LCORL: variants seen among roughly 807,000 people sequenced by gnomAD.
LCORL encodes the protein ligand dependent nuclear receptor corepressor like.
Under a neutral mutation model 141.8 loss-of-function variants are expected in LCORL, and 41 were observed. The ratio of observed to expected loss-of-function variants is 0.29; its 90% CI spans 0.23 to 0.38. The LOEUF (loss-of-function observed/expected upper bound fraction) is 0.38, where lower values mean the gene tolerates loss of function less well. LCORL is among the 10% of genes least tolerant of loss of function. The pLI is 1.00. For synonymous variants in LCORL, 618 were observed against 694.1 expected, an observed-to-expected ratio of 0.89 and a Z score of 1.72; for missense variants, 1,759 against 2,035.0, an observed-to-expected ratio of 0.86 and a Z score of 2.61.
intron 4 of LCORL, among the ~76,000 whole-genome samples, chr4:17,946,750 C>G (rs1560385906): frequency 6.6e-6 from 1 of 151,912 alleles, no homozygotes; most frequent in Non-Finnish European, 1.5e-5. Context: ...GGCCTACAAT[C>G]TCATACATCA....
At chr4:17,986,739 T>A (rs1719043845) in intron 1 of LCORL, among the ~76,000 whole-genome samples, 1 of 152,186 alleles carries the variant, frequency 6.6e-6, no homozygotes, top group African/African-American at 2.4e-5. Flanking sequence ...ATCTTTTTTT[T>A]TTCCTATCTA....
At chr4:18,015,959 C>T (rs1724567315) in intron 1 of LCORL, among the ~76,000 whole-genome samples, 1 of 151,816 alleles carries the variant, frequency 6.6e-6, no homozygotes, top group East Asian at 1.9e-4. Flanking sequence ...TGGTTTCATA[C>T]ATAAAAAGCC....
intron 4 of LCORL, among the ~76,000 whole-genome samples, chr4:17,941,768 C>T (rs985757981): frequency 6.6e-6 from 1 of 152,032 alleles, no homozygotes; most frequent in African/African-American, 2.4e-5. Context: ...CCCCAATGTT[C>T]ATATTTCTCT....
chr4:17,948,835 A>C (rs1739286430), intron 4 of LCORL, among the ~76,000 whole-genome samples: 1 of 152,082 alleles, frequency 6.6e-6, no homozygotes, highest in South Asian at 2.1e-4. Flanking sequence ...GACAATTTTC[A>C]GAGGAGTAAA....
chr4:18,013,061 G>A (rs1174991032), intron 1 of LCORL, among the ~76,000 whole-genome samples: 1 of 152,020 alleles, frequency 6.6e-6, no homozygotes, highest in South Asian at 2.1e-4. Context: ...AATTTATCTA[G>A]TCAAGGTCAC....
At position 17,882,937 on chromosome 4, in the gene LCORL, A is replaced by G; in HGVS notation, c.776+3131T>C. 4.4e-6 allele frequency: 4 copies of G among 919,212 alleles called. No individual in the cohort carries two copies. The South Asian group carries it at 1.5e-4, about 35-fold the overall frequency. 56.9% of individuals were successfully genotyped at this position (919,212 alleles called of 1,614,324 possible). The stretch of plus-strand genomic sequence containing the variant: ...TTCAAATGAAAAACAAAACTAAATT[A>G]TTTTAATAATTAAATTTAAATTATT... On this transcript the variant is annotated intron_variant, in intron 6 of 7. Coordinates refer to ENST00000635767, the Ensembl canonical transcript of LCORL.
intron 4 of LCORL, among the ~76,000 whole-genome samples, chr4:17,950,415 A>C (rs1401744066): frequency 2.0e-5 from 3 of 152,198 alleles, no homozygotes; most frequent in Non-Finnish European, 4.4e-5. Context: ...CGCAGCCTAT[A>C]GACAAAGGAC....
intron 4 of LCORL, among the ~76,000 whole-genome samples, chr4:17,943,476 C>T (rs1030209208): frequency 2.6e-5 from 4 of 152,198 alleles, no homozygotes; most frequent in African/African-American, 9.7e-5. Context: ...GTTACTAACA[C>T]TCGCTGAAAG....
exon 7 of LCORL, chr4:17,877,359 G>A: frequency 1.6e-6 from 2 of 1,230,294 alleles, no homozygotes; most frequent in Non-Finnish European, 2.0e-6. Flanking sequence ...CATATCCGTG[G>A]TTTCTATTGA....
At chr4:17,922,455 A>T (rs1442994462) in intron 4 of LCORL, among the ~76,000 whole-genome samples, 1 of 152,174 alleles carries the variant, frequency 6.6e-6, no homozygotes, top group Non-Finnish European at 1.5e-5. Context: ...TATGTAAAGA[A>T]CCAAGGAATA....
At chr4:17,974,248 CATT>C (rs1429124012) in intron 1 of LCORL, among the ~76,000 whole-genome samples, 1 of 152,074 alleles carries the variant, frequency 6.6e-6, no homozygotes, top group African/African-American at 2.4e-5. Context: ...TAGTTGGTCT[CATT>C]ATAGTCTTCA....
chr4:17,953,774 G>A (rs1263367110), intron 4 of LCORL, among the ~76,000 whole-genome samples: 3 of 152,152 alleles, frequency 2.0e-5, no homozygotes, highest in East Asian at 1.9e-4. Flanking sequence ...TAGGTGCTAG[G>A]GATATAACAA....
intron 4 of LCORL, among the ~76,000 whole-genome samples, chr4:17,929,461 G>A (rs903336275): frequency 2.6e-5 from 4 of 151,964 alleles, no homozygotes; most frequent in Non-Finnish European, 4.4e-5. Flanking sequence ...AAACATAAAC[G>A]CACTCATATA....
intron 4 of LCORL, among the ~76,000 whole-genome samples, chr4:17,942,791 G>A (rs1302734841): frequency 6.6e-6 from 1 of 152,064 alleles, no homozygotes; most frequent in African/African-American, 2.4e-5. Flanking sequence ...CGACCCCTAG[G>A]CCACAGACTG....
At chr4:17,982,800 T>C (rs1042226336) in intron 1 of LCORL, among the ~76,000 whole-genome samples, 1 of 152,218 alleles carries the variant, frequency 6.6e-6, no homozygotes, top group Non-Finnish European at 1.5e-5. Context: ...TTGTTTTCAT[T>C]GCAATTACTT....
At chr4:17,984,057 T>C (rs1185608928) in intron 1 of LCORL, among the ~76,000 whole-genome samples, 2 of 152,240 alleles carry the variant, frequency 1.3e-5, no homozygotes, top group African/African-American at 4.8e-5. Context: ...TCTGTTTATA[T>C]GATGAATCAC....
At chr4:17,923,354 A>C (rs1227171736) in intron 4 of LCORL, among the ~76,000 whole-genome samples, 1 of 152,184 alleles carries the variant, frequency 6.6e-6, no homozygotes, top group Non-Finnish European at 1.5e-5. Context: ...TGGATTAAAT[A>C]TGGGCTCAAG....
chr4:18,019,907 AAAC>A (rs1193885280), intron 1 of LCORL, among the ~76,000 whole-genome samples: 3 of 152,380 alleles, frequency 2.0e-5, no homozygotes, highest in East Asian at 3.9e-4. Flanking sequence ...CAAGAAGCAC[AAAC>A]AACAATATTT....
chr4:17,874,985 T>C, exon 7 of LCORL: 4 of 1,233,780 alleles, frequency 3.2e-6, no homozygotes, highest in Non-Finnish European at 4.0e-6. Flanking sequence ...GCAGAGATGG[T>C]TTTCTATCCC....
Sources: gnomAD v4.1 joint callset for allele counts (sites outside exome capture counted in the v4.1 genomes callset) on GRCh38, gnomAD v4.1.1 for gene constraint, MANE v1.5 for transcripts, NCBI Gene and HGNC (gene_info 2026-07-23, HGNC 2026-07-21) for gene names.